The following ARID1B variants were observed in gnomAD, a reference collection of about 807,000 sequenced individuals.
ARID1B encodes AT-rich interaction domain 1B, also known as AT-rich interactive domain-containing protein 1B.
ARID1B carries 30 observed loss-of-function variants against 212.3 expected under a neutral mutation model. The ratio of observed to expected loss-of-function variants is 0.14; its 90% CI spans 0.11 to 0.19. The LOEUF is 0.19. Ranked by LOEUF, ARID1B falls within the 10% of genes least tolerant of loss-of-function variation. The pLI, the probability that ARID1B is intolerant of heterozygous loss-of-function variation, is 1.00. For synonymous variants in ARID1B, 1,402 were observed against 1,301.7 expected (o/e 1.08, Z -1.66); for missense variants, 2,891 against 3,204.0 (o/e 0.90, Z 2.36).
At position 157,203,118 on chromosome 6, in the gene ARID1B, T is replaced by A. The variant is rs746681134; in HGVS notation, c.5264-748T>A. Among the ~76,000 whole-genome samples the A allele has an allele frequency of 1.3e-5, 2 of 152,220 alleles. No homozygotes were observed. The highest frequency in any genetic ancestry group is 2.9e-5 in the Non-Finnish European group (2 of 68,040). On this transcript the variant is annotated intron_variant, in intron 18 of 19. Transcript: ENST00000636930. The surrounding 1 kb of genome is among the most constrained non-coding windows in gnomAD (Gnocchi z 4.4). ...TGTCTCCCCCTCATGCAATGATTCT[T>A]GGTGCCTGGAGAATGCCCCCAGCCT...
In ARID1B at chr6:156,779,262, G is replaced by GCGC. The variant is rs572236007; in HGVS notation, c.1597_1599dup (p.Pro533dup). On this transcript the variant is annotated inframe_insertion, in exon 1 of 20. Coordinates refer to ENST00000636930, the MANE Select transcript of ARID1B (RefSeq NM_001374828.1). ...CTACCCCGAGTACAGCAGCCCCAGC[G>GCGC]CGCCGCCGCCGCCGCCGTCGCAGCC... The GCGC allele has an allele frequency of 0.075, 85,948 of 1,145,648 alleles. 3,584 individuals are homozygous for GCGC. Among genetic ancestry groups the GCGC allele is most frequent in the Non-Finnish European group, 0.084 (77,766 of 929,044 alleles). The allele number at this position is 1,145,648 out of a possible 1,614,324, so 71.0% of individuals were successfully genotyped here.
At chr6:157,184,549 GTGGGGGGTTCCTGTGTC>G in intron 13 of ARID1B, 114 bp downstream of exon 13, 1 of 1,214,362 alleles carries the variant, frequency 8.2e-7, no homozygotes, top group Non-Finnish European at 1.2e-6. Flanking sequence ...CTTTTGAGAG[GTGGGGGGTTCCTGTGTC>G]GTTTTGTTTA....
At chr6:156,921,289 G>A (rs1292722272) in intron 3 of ARID1B, among the ~76,000 whole-genome samples, 5 of 151,760 alleles carry the variant, frequency 3.3e-5, no homozygotes, top group Non-Finnish European at 5.9e-5. Context: ...AAATAAAGTG[G>A]GTAAATAAAT....
intron 4 of ARID1B, chr6:156,938,259 C>T (rs1171696703): frequency 6.6e-6 from 1 of 152,112 alleles, no homozygotes; most frequent in Non-Finnish European, 1.5e-5. Flanking sequence ...TTTGTTGATA[C>T]TCTGTTACGG....
intron 1 of ARID1B, among the ~76,000 whole-genome samples, chr6:156,780,879 G>A (rs1007933624): frequency 1.3e-5 from 2 of 152,138 alleles, no homozygotes; most frequent in African/African-American, 4.8e-5. Flanking sequence ...AGTAAACCAC[G>A]AATTTTACCA....
At chr6:157,131,045 T>C (rs1257092375) in intron 6 of ARID1B, among the ~76,000 whole-genome samples, 1 of 152,264 alleles carries the variant, frequency 6.6e-6, no homozygotes, top group Non-Finnish European at 1.5e-5. Flanking sequence ...CCTGGACTCC[T>C]GAGAGTGGAG....
intron 4 of ARID1B, among the ~76,000 whole-genome samples, chr6:156,998,737 A>G (rs1036452394): frequency 1.4e-4 from 22 of 152,242 alleles, no homozygotes; most frequent in African/African-American, 4.6e-4. Flanking sequence ...TTCTTTATTC[A>G]TGTCTAAATT....
intron 5 of ARID1B, among the ~76,000 whole-genome samples, chr6:157,096,830 G>A (rs1037212371): frequency 6.6e-6 from 1 of 152,346 alleles, no homozygotes; most frequent in Admixed American, 6.5e-5. Flanking sequence ...TGATTAATCC[G>A]GGTTTCATTG....
chr6:157,023,806 A>G (rs1396889019), intron 4 of ARID1B: 1 of 152,190 alleles, frequency 6.6e-6, no homozygotes, highest in Non-Finnish European at 1.5e-5. Flanking sequence ...TTGCCTACCT[A>G]ATATAATGAG....
chr6:157,048,339 A>C (rs1254793272), intron 4 of ARID1B, among the ~76,000 whole-genome samples: 2 of 152,248 alleles, frequency 1.3e-5, no homozygotes, highest in Non-Finnish European at 2.9e-5. Context: ...AATACTTGTA[A>C]AAGATATTCC....
At chr6:157,158,773 G>A (rs1352931912) in intron 8 of ARID1B, among the ~76,000 whole-genome samples, 2 of 152,170 alleles carry the variant, frequency 1.3e-5, no homozygotes, top group Non-Finnish European at 2.9e-5. Context: ...GCTATTCCTA[G>A]CACTGAGAAG....
At chr6:156,884,628 A>G (rs997206919) in intron 2 of ARID1B, among the ~76,000 whole-genome samples, 1 of 152,220 alleles carries the variant, frequency 6.6e-6, no homozygotes, top group African/African-American at 2.4e-5. Context: ...TGTGTGGGCT[A>G]ATCATAGTCC....
intron 7 of ARID1B, among the ~76,000 whole-genome samples, chr6:157,141,462 A>G (rs11961277): frequency 0.031 from 4,734 of 152,236 alleles, 259 homozygotes; most frequent in African/African-American, 0.11. Context: ...AATTCTCTCT[A>G]TTTATTCCCA....
At chr6:157,104,671 G>T (rs1238504446) in intron 5 of ARID1B, among the ~76,000 whole-genome samples, 1 of 152,186 alleles carries the variant, frequency 6.6e-6, no homozygotes, top group African/African-American at 2.4e-5. Context: ...AAGACTACGT[G>T]CTTAGGAATA....
chr6:156,864,735 G>A (rs1785563774), intron 2 of ARID1B, among the ~76,000 whole-genome samples: 1 of 152,082 alleles, frequency 6.6e-6, no homozygotes, highest in African/African-American at 2.4e-5. Context: ...TGATGATTTA[G>A]TACTCCCTTC....
At chr6:156,945,386 A>G (rs1475394348) in intron 4 of ARID1B, among the ~76,000 whole-genome samples, 2 of 151,550 alleles carry the variant, frequency 1.3e-5, no homozygotes, top group Non-Finnish European at 2.9e-5. Context: ...GCACTGAGGC[A>G]GTGGCAGAAG....
chr6:156,967,265 A>G (rs1170691157), intron 4 of ARID1B, among the ~76,000 whole-genome samples: 2 of 151,906 alleles, frequency 1.3e-5, no homozygotes, highest in East Asian at 1.9e-4. Flanking sequence ...TCATACACAC[A>G]CATACACATG....
rs1402902987 is a variant in ARID1B, at chr6:157,198,819, C to T, written c.4391C>T (p.Pro1464Leu). 1.2e-6 allele frequency: 2 copies of T among 1,611,842 alleles called. No homozygotes were observed. The highest frequency in any genetic ancestry group is 4.5e-5 in the East Asian group (2 of 44,858). The change falls in exon 17 of 20, where the codon CCT (proline) becomes CTT (leucine). Residue 1464 changes from proline to leucine, a missense_variant. Physicochemically the swap from Pro to Leu is moderately conservative, Grantham distance 98. Around this residue, in one of 7 missense-constraint regions of ARID1B, gnomAD observed 666 missense variants for 873.5 expected, o/e 0.76. Transcript: ENST00000636930. ...YGASYDRRHE[P>L]YGQQYPGQGP... ...TGAATGCCTCATTCCAGGCATGAACCTTATGGGCAGCAGTATCCAGGCCAA... is the reference window on the plus strand; with the variant it reads ...TGAATGCCTCATTCCAGGCATGAACTTTATGGGCAGCAGTATCCAGGCCAA...
chr6:157,154,855 A>C (rs1158498532), intron 8 of ARID1B, among the ~76,000 whole-genome samples: 2 of 152,094 alleles, frequency 1.3e-5, no homozygotes, highest in African/African-American at 4.8e-5. Context: ...TGCTGGGATT[A>C]CAGGCATGAG....
Sources: allele counts gnomAD v4.1 joint callset (sites outside exome capture counted in the v4.1 genomes callset), GRCh38; gene constraint gnomAD v4.1.1; regional missense constraint gnomAD v4.1.1; non-coding constraint Gnocchi (gnomAD v3.1); transcripts MANE v1.5; gene names NCBI Gene and HGNC (gene_info 2026-07-23, HGNC 2026-07-21).